The following ZNF197 variants were observed in gnomAD, a reference collection of about 807,000 sequenced individuals.
ZNF197 encodes VHL-associated KRAB-A domain-containing protein.
Under a neutral mutation model 27.4 loss-of-function variants are expected in ZNF197, and 14 were observed. The observed-to-expected ratio is 0.51, with a 90% CI of 0.34 to 0.80. The LOEUF (loss-of-function observed/expected upper bound fraction) is 0.80. ZNF197 is among the 30% of genes least tolerant of loss of function. The pLI is 0.02. For synonymous variants in ZNF197, 415 were observed against 420.0 expected (o/e 0.99, Z 0.15); for missense variants, 1,090 against 1,222.6 (o/e 0.89, Z 1.62).
In ZNF197 at chr3:44,648,460, G is replaced by A. The variant is rs915928679; in HGVS notation, c.*4240G>A. On this transcript the variant is annotated 3_prime_UTR_variant, in exon 6 of 6. Transcript: ENST00000344387. ...CTGATATTTTCAAAATAAAACATTT[G>A]AGGGGAAATTATCAGGGCTTTCTAC... The A allele has an allele frequency of 2.0e-5, 3 of 152,202 alleles. No homozygotes were observed. The highest frequency in any genetic ancestry group is 2.9e-5 in the Non-Finnish European group (2 of 68,034). 9.4% of individuals were successfully genotyped at this position (152,202 alleles called of 1,614,324 possible). A position where few individuals can be genotyped will look rare whatever the true frequency, so the allele number is the denominator to read the frequency against.
At position 44,642,967 on chromosome 3, in the gene ZNF197, A is replaced by C. The variant is rs1702713390; in HGVS notation, c.1837A>C (p.Lys613Gln). 6.2e-7 allele frequency: 1 copy of C among 1,614,008 alleles called. No individual in the cohort carries two copies. The highest frequency in any genetic ancestry group is 8.5e-7 in the Non-Finnish European group (1 of 1,180,002). The change falls in exon 6 of 6, where the codon AAG becomes CAG. Residue 613 changes from lysine to glutamine, a missense_variant. Transcript: ENST00000344387. The stretch of plus-strand genomic sequence containing the variant: ...TTCTAAGTCAAACTTCATTGACCAT[A>C]AGAGGATGCACAGCAGAGAGAAACC... ...FSSKSNFIDH[K>Q]RMHSREKPYK...
intron 2 of ZNF197, 131 bp downstream of exon 2, chr3:44,629,675 A>G: frequency 8.3e-7 from 1 of 1,210,820 alleles, no homozygotes. Flanking sequence ...AACCTTAATG[A>G]TAATTAAAGC....
Position 44,642,762 on chromosome 3 carries a change from A to G in ZNF197, c.1632A>G (p.Gly544=). The change falls in exon 6 of 6, where the codon GGA becomes GGG. Residue 544 remains glycine, a synonymous_variant. Transcript: ENST00000344387. ...AACCCTATAAATGTGATGAATGTGG[A>G]AAGACCTTTGCTCAGACCACTTATC... ...GEKPYKCDEC[G]KTFAQTTYLI... is the part of the protein sequence containing the mutation. 6.2e-7 allele frequency: 1 copy of G among 1,613,682 alleles called. No individual in the cohort carries two copies. The highest frequency in any genetic ancestry group is 2.2e-5 in the East Asian group (1 of 44,862).
intron 5 of ZNF197, among the ~76,000 whole-genome samples, chr3:44,641,298 A>G (rs959257447): frequency 6.6e-6 from 1 of 152,226 alleles, no homozygotes; most frequent in Non-Finnish European, 1.5e-5. Flanking sequence ...ACTATTTAAA[A>G]TGAATTTTAA....
chr3:44,639,734 A>C (rs1559470909), intron 5 of ZNF197, among the ~76,000 whole-genome samples: 1 of 151,684 alleles, frequency 6.6e-6, no homozygotes, highest in African/African-American at 2.4e-5. Context: ...TTAGGTAGTG[A>C]GTTGGAAAGA....
rs185719838 is a variant in ZNF197 at position 44,646,979 on chromosome 3, A to C, written c.*2759A>C. 6.5e-6 allele frequency: 1 copy of C among 153,000 alleles called. No homozygotes were observed. The highest frequency in any genetic ancestry group is 1.9e-4 in the East Asian group (1 of 5,214). 9.5% of individuals were successfully genotyped at this position (153,000 alleles called of 1,614,324 possible). A position where few individuals can be genotyped will look rare whatever the true frequency, so the allele number is the denominator to read the frequency against. On this transcript the variant is annotated 3_prime_UTR_variant, in exon 6 of 6. Transcript: ENST00000344387. ...AAAGCATGCTCCTTAGAAGGAAAAA[A>C]AATGTTAAATTGGACTTCATCAAAA...
intron 5 of ZNF197, among the ~76,000 whole-genome samples, chr3:44,634,387 A>G (rs1310736279): frequency 6.6e-6 from 1 of 151,724 alleles, no homozygotes; most frequent in Non-Finnish European, 1.5e-5. Context: ...CAAACTTGGC[A>G]GTATTTTCCT....
intron 1 of ZNF197, among the ~76,000 whole-genome samples, chr3:44,626,301 C>A (rs1701657339): frequency 2.6e-5 from 4 of 152,056 alleles, no homozygotes; most frequent in African/African-American, 9.7e-5. Context: ...CCACCCCCAC[C>A]ATTTCTCACT....
chr3:44,628,916 G>T, intron 1 of ZNF197, 158 bp from the exon 2 acceptor site: 1 of 405,090 alleles, frequency 2.5e-6, no homozygotes. Flanking sequence ...GCCTTAGGCA[G>T]GGGGTTTCTG....
chr3:44,642,892 C>T lies in ZNF197; in HGVS notation c.1762C>T (p.His588Tyr). 1.9e-6 allele frequency: 3 copies of T among 1,614,028 alleles called. No individual in the cohort carries two copies. Among genetic ancestry groups the T allele is most frequent in the South Asian group, 2.2e-5 (2 of 91,056 alleles). Reference sequence around the variant, plus strand: ...AAGCCTCCTCTTACATCAGAGAGTCCACACAGAAAAGAAAACCTTTGGTTG... The same window carrying T: ...AAGCCTCCTCTTACATCAGAGAGTCTACACAGAAAAGAAAACCTTTGGTTG... ...SKSLLLHQRV[H>Y]TEKKTFGCKK... The change falls in exon 6 of 6, where the codon CAC (histidine) becomes TAC (tyrosine). Residue 588 changes from histidine to tyrosine, a missense_variant. Physicochemically the swap from His to Tyr is moderately conservative, Grantham distance 83 (BLOSUM62 2). Transcript: ENST00000344387.
chr3:44,637,789 C>T (rs1702380095), intron 5 of ZNF197, among the ~76,000 whole-genome samples: 1 of 152,166 alleles, frequency 6.6e-6, no homozygotes, highest in South Asian at 2.1e-4. Flanking sequence ...GGGTTTATTT[C>T]TAAAGTCTCA....
intron 5 of ZNF197, among the ~76,000 whole-genome samples, chr3:44,633,085 C>A (rs1702099911): frequency 6.6e-6 from 1 of 152,090 alleles, no homozygotes; most frequent in Admixed American, 6.6e-5. Context: ...CTTCATATTG[C>A]CAAATTACTT....
At chr3:44,626,466 T>C (rs1437865654) in intron 1 of ZNF197, among the ~76,000 whole-genome samples, 4 of 152,210 alleles carry the variant, frequency 2.6e-5, no homozygotes, top group African/African-American at 9.6e-5. Flanking sequence ...ACAAAGACAC[T>C]TGACAAACTG....
At position 44,631,182 on chromosome 3, in the gene ZNF197, A is replaced by G; in HGVS notation, c.511A>G (p.Thr171Ala). 6.2e-7 allele frequency: 1 copy of G among 1,613,990 alleles called. No individual in the cohort carries two copies. Among genetic ancestry groups the G allele is most frequent in the Non-Finnish European group, 8.5e-7 (1 of 1,179,990 alleles). ...IAAEICPHPP[T>A]DLVAFNLQDP... ...AGCTGAAATTTGCCCGCATCCTCCT[A>G]CTGACCTAGTGGCATTCAACCTCCA... Residue 171 changes from threonine to alanine, a missense_variant, in exon 3 of 6, where the codon ACT becomes GCT. Transcript: ENST00000344387.
chr3:44,626,932 T>G (rs1701700972), intron 1 of ZNF197, among the ~76,000 whole-genome samples: 2 of 152,152 alleles, frequency 1.3e-5, no homozygotes, highest in Admixed American at 6.5e-5. Context: ...TACCCAAACA[T>G]TCCATCAGTG....
At position 44,642,820 on chromosome 3, in the gene ZNF197, A is replaced by G; in HGVS notation, c.1690A>G (p.Asn564Asp). ...IDHQRLHSAENPYKCKECGKV... is the reference protein window; with the variant it reads ...IDHQRLHSAEDPYKCKECGKV... ...CCATCAGCGACTCCACAGTGCAGAG[A>G]ACCCTTACAAGTGTAAAGAATGTGG... The change falls in exon 6 of 6, where the codon AAC (asparagine) becomes GAC (aspartate). Residue 564 changes from asparagine to aspartate, a missense_variant. By Grantham distance (23) the Asn-to-Asp change is conservative. Coordinates refer to ENST00000344387, the MANE Select transcript of ZNF197 (RefSeq NM_006991.5). 1 of 1,614,054 alleles carries G rather than the reference A, an allele frequency of 6.2e-7. No individual in the cohort carries two copies. The highest frequency in any genetic ancestry group is 8.5e-7 in the Non-Finnish European group (1 of 1,180,026).
intron 5 of ZNF197, among the ~76,000 whole-genome samples, chr3:44,641,306 T>A (rs1273972042): frequency 6.6e-6 from 1 of 152,256 alleles, no homozygotes; most frequent in Non-Finnish European, 1.5e-5. Context: ...AAATGAATTT[T>A]AAAATTTCCA....
At position 44,641,960 on chromosome 3, in the gene ZNF197, C is replaced by T. The variant is rs754523271; in HGVS notation, c.830C>T (p.Ala277Val). The T allele has an allele frequency of 6.2e-7, 1 of 1,612,570 alleles. No individual in the cohort carries two copies. The highest frequency in any genetic ancestry group is 1.1e-5 in the South Asian group (1 of 90,794). ...VTSKPSSSQR[A>V]DSHKGTSKRL... ...TCAAAGCCAAGTAGTTCTCAAAGAG[C>T]AGACTCTCATAAAGGAACATCAAAA... The change falls in exon 6 of 6, where the codon GCA becomes GTA. Residue 277 changes from alanine (A) to valine (V), a missense_variant. By Grantham distance (64) the Ala-to-Val change is moderately conservative. Coordinates refer to ENST00000344387, the MANE Select transcript of ZNF197 (RefSeq NM_006991.5).
chr3:44,644,088 T>C lies in ZNF197; in HGVS notation c.2958T>C (p.Cys986=). 2 of 1,614,164 alleles carry C rather than the reference T, an allele frequency of 1.2e-6. No individual in the cohort carries two copies. Among genetic ancestry groups the C allele is most frequent in the Non-Finnish European group, 1.7e-6 (2 of 1,180,028 alleles). The change falls in exon 6 of 6, where the codon TGT becomes TGC. Residue 986 remains cysteine, a synonymous_variant. Coordinates refer to ENST00000344387, the MANE Select transcript of ZNF197 (RefSeq NM_006991.5). ...HQKIHTDEKP[C]ECDVSEKEFS... ...AAATCCACACAGATGAAAAACCTTG[T>C]GAATGTGATGTGTCTGAAAAAGAAT...
Sources: gnomAD v4.1 joint callset for allele counts (sites outside exome capture counted in the v4.1 genomes callset) on GRCh38, gnomAD v4.1.1 for gene constraint, MANE v1.5 for transcripts, NCBI Gene and HGNC (gene_info 2026-07-23, HGNC 2026-07-21) for gene names.